The following KCNK9 variants were observed in gnomAD, a reference collection of about 807,000 sequenced individuals.
The protein encoded by KCNK9 is potassium two pore domain channel subfamily K member 9.
In KCNK9, 1 loss-of-function variant was observed where a neutral mutation model predicts 10.8. The observed-to-expected ratio is 0.09, with a 90% CI of 0.03 to 0.44. The LOEUF is 0.44. KCNK9 is among the 20% of genes least tolerant of loss of function. KCNK9 has a pLI of 0.97. For synonymous variants in KCNK9, 231 were observed against 222.7 expected (o/e 1.04, Z -0.33); for missense variants, 303 against 515.0 (o/e 0.59, Z 3.98).
At chr8:139,671,529 T>TTC (rs776063792) in intron 1 of KCNK9, among the ~76,000 whole-genome samples, 10 of 134,582 alleles carry the variant, frequency 7.4e-5, no homozygotes, top group African/African-American at 2.7e-4. Context: ...TTTTTTTTTT[T>TTC]AGATGGAGTC....
intron 1 of KCNK9, among the ~76,000 whole-genome samples, chr8:139,662,435 C>T (rs1259544509): frequency 6.6e-6 from 1 of 152,158 alleles, no homozygotes; most frequent in Non-Finnish European, 1.5e-5. Context: ...CTGTACATGG[C>T]ATCGACCCTG....
chr8:139,680,099 C>T (rs1816654283), intron 1 of KCNK9, among the ~76,000 whole-genome samples: 1 of 152,176 alleles, frequency 6.6e-6, no homozygotes, highest in Non-Finnish European at 1.5e-5. Context: ...CCTACGGGGA[C>T]TCAGGAGTGA....
intron 1 of KCNK9, among the ~76,000 whole-genome samples, chr8:139,675,337 T>A (rs1816524846): frequency 6.6e-6 from 1 of 152,242 alleles, no homozygotes; most frequent in Non-Finnish European, 1.5e-5. Context: ...CGCTCTGCAG[T>A]GGACTCAGTG....
Position 139,702,559 on chromosome 8 carries a change from T to G in KCNK9, c.283+151A>C, listed in dbSNP as rs1817254240. The stretch of plus-strand genomic sequence containing the variant: ...CTCGGAGGCGCCGCGGAGGGGGGGC[T>G]CCCTAGAGAGGAGGGGGCGCTGCGG... On this transcript the variant is annotated intron_variant, in intron 1 of 1. Coordinates refer to ENST00000520439, the MANE Select transcript of KCNK9 (RefSeq NM_001282534.2). The surrounding 1 kb of genome is among the most constrained non-coding windows in gnomAD (Gnocchi z 7.5). 2.6e-6 allele frequency: 2 copies of G among 760,270 alleles called. No individual in the cohort carries two copies. Among genetic ancestry groups the G allele is most frequent in the East Asian group, 2.9e-5 (1 of 34,574 alleles). 47.1% of individuals were successfully genotyped at this position (760,270 alleles called of 1,614,324 possible). A position where few individuals can be genotyped will look rare whatever the true frequency, so the allele number is the denominator to read the frequency against.
Position 139,673,040 on chromosome 8 carries a change from G to A in KCNK9, c.283+29670C>T, listed in dbSNP as rs537204183. On this transcript the variant is annotated intron_variant, in intron 1 of 1. Transcript: ENST00000520439. ...TCAACCCACCTACCACGTGCAGAAC[G>A]GGATTCGGGCAAGGAGAACGAGAGG... Among the ~76,000 whole-genome samples the A allele has an allele frequency of 1.9e-4, 29 of 152,326 alleles. 1 individual carries two copies. In the South Asian group the frequency reaches 5.2e-3, roughly 27 times the overall value.
rs548944183 is a variant in KCNK9, at chr8:139,660,303, G to C, written c.284-41204C>G. Among the ~76,000 whole-genome samples, 4 of 152,114 alleles carry C rather than the reference G, an allele frequency of 2.6e-5. No homozygotes were observed. In the East Asian group the frequency reaches 5.8e-4, roughly 22 times the overall value. ...CGACAGGCCCCTGGCTCCTCCATAC[G>C]ATGCATTAAAAATAGGATAGGCCCA... On this transcript the variant is annotated intron_variant, in intron 1 of 1. Coordinates refer to ENST00000520439, the MANE Select transcript of KCNK9 (RefSeq NM_001282534.2).
At position 139,659,480 on chromosome 8, in the gene KCNK9, C is replaced by T. The variant is rs556507193; in HGVS notation, c.284-40381G>A. On this transcript the variant is annotated intron_variant, in intron 1 of 1. Transcript: ENST00000520439. ...CCTCTCTCTGGCTTGGACCCTACCC[C>T]TGTATTGGTGTGGAAAGATCTCGAG... Among the ~76,000 whole-genome samples the T allele has an allele frequency of 3.3e-5, 5 of 152,174 alleles. No individual in the cohort carries two copies. The East Asian group carries it at 7.7e-4, about 24-fold the overall frequency.
At chr8:139,674,568 C>G (rs748332514) in intron 1 of KCNK9, among the ~76,000 whole-genome samples, 5 of 152,192 alleles carry the variant, frequency 3.3e-5, no homozygotes, top group Non-Finnish European at 5.9e-5. Flanking sequence ...CATGCCTAGG[C>G]CACACAGCAA....
At chr8:139,611,420 C>T (rs563618186), downstream of KCNK9, 15 of 152,374 alleles carry the variant, frequency 9.8e-5, no homozygotes, top group South Asian at 1.0e-3. Flanking sequence ...TCTCTGGAGG[C>T]GAGAAGAGCG....
chr8:139,639,087 C>G (rs112260454), intron 1 of KCNK9, among the ~76,000 whole-genome samples: 2,071 of 152,248 alleles, frequency 0.014, 44 homozygotes, highest in African/African-American at 0.048. Context: ...GCCACAGTCA[C>G]TCCTGCGCCG....
At chr8:139,659,812 G>A (rs929119650) in intron 1 of KCNK9, among the ~76,000 whole-genome samples, 18 of 151,706 alleles carry the variant, frequency 1.2e-4, no homozygotes, top group Admixed American at 1.1e-3. Flanking sequence ...GTGAGCCACT[G>A]CACCCGGCCT....
At chr8:139,689,509 C>T (rs1037300159) in intron 1 of KCNK9, among the ~76,000 whole-genome samples, 14 of 152,176 alleles carry the variant, frequency 9.2e-5, no homozygotes, top group Admixed American at 5.2e-4. Context: ...GATGTATTTC[C>T]CACCTTTTGA....
chr8:139,680,815 G>T (rs188286727), intron 1 of KCNK9, among the ~76,000 whole-genome samples: 1 of 152,132 alleles, frequency 6.6e-6, no homozygotes, highest in Non-Finnish European at 1.5e-5. Context: ...TTCTGGAACT[G>T]CAGAGCCATG....
chr8:139,676,700 C>T (rs1023539695), intron 1 of KCNK9, among the ~76,000 whole-genome samples: 4 of 152,184 alleles, frequency 2.6e-5, no homozygotes, highest in Non-Finnish European at 5.9e-5. Flanking sequence ...CCTGTAATCC[C>T]AGCACTTTGG....
At chr8:139,633,168 C>T (rs187681154) in intron 1 of KCNK9, among the ~76,000 whole-genome samples, 20 of 152,144 alleles carry the variant, frequency 1.3e-4, no homozygotes, top group Admixed American at 5.9e-4. Flanking sequence ...AACATGGACA[C>T]GCTCACATAC....
At chr8:139,659,456 C>T (rs1407116828) in intron 1 of KCNK9, among the ~76,000 whole-genome samples, 2 of 147,438 alleles carry the variant, frequency 1.4e-5, no homozygotes, top group Non-Finnish European at 2.9e-5. Context: ...GACCCCTGGC[C>T]TCTCTCTGGC....
chr8:139,649,989 C>T (rs1301729489), intron 1 of KCNK9, among the ~76,000 whole-genome samples: 1 of 152,166 alleles, frequency 6.6e-6, no homozygotes, highest in Non-Finnish European at 1.5e-5. Flanking sequence ...TCCCTGAAGG[C>T]AGTGGGGGAG....
chr8:139,644,758 T>G (rs138984481), intron 1 of KCNK9, among the ~76,000 whole-genome samples: 1 of 131,634 alleles, frequency 7.6e-6, no homozygotes, highest in Non-Finnish European at 1.6e-5. Flanking sequence ...GCTGCTACAA[T>G]CCCAGCATGC....
At chr8:139,643,842 G>A (rs58974662) in intron 1 of KCNK9, among the ~76,000 whole-genome samples, 9,816 of 152,220 alleles carry the variant, frequency 0.064, 1,036 homozygotes, top group African/African-American at 0.22. Flanking sequence ...AGGTAGGCCC[G>A]CAGGTTCAGC....
Sources: allele counts gnomAD v4.1 joint callset (sites outside exome capture counted in the v4.1 genomes callset), GRCh38; gene constraint gnomAD v4.1.1; non-coding constraint Gnocchi (gnomAD v3.1); transcripts MANE v1.5; gene names NCBI Gene and HGNC (gene_info 2026-07-23, HGNC 2026-07-21).